The following PTPRM variants were observed in gnomAD, a reference collection of about 807,000 sequenced individuals.
PTPRM encodes receptor-type tyrosine-protein phosphatase mu.
Under a neutral mutation model 186.7 loss-of-function variants are expected in PTPRM, and 47 were observed. That is an observed-to-expected ratio of 0.25 (90% CI 0.20 to 0.32). PTPRM has a LOEUF of 0.32. Among genes scored for constraint, PTPRM ranks in the 10% least tolerant of loss-of-function variants. The pLI is 1.00. For synonymous variants in PTPRM, 668 were observed against 674.9 expected (o/e 0.99, Z 0.16); for missense variants, 1,494 against 1,865.0 (o/e 0.80, Z 3.66).
chr18:7,862,936 G>A (rs1282572610), intron 2 of PTPRM, among the ~76,000 whole-genome samples: 2 of 152,086 alleles, frequency 1.3e-5, no homozygotes, highest in African/African-American at 4.8e-5. Flanking sequence ...GAGAAAAAAT[G>A]AAATACGGAC....
At chr18:7,623,912 A>G (rs1244219688) in intron 1 of PTPRM, among the ~76,000 whole-genome samples, 1 of 152,152 alleles carries the variant, frequency 6.6e-6, no homozygotes, top group Non-Finnish European at 1.5e-5. Flanking sequence ...TTCTTGCTGC[A>G]CTGTTCTGCC....
chr18:7,613,683 A>G (rs568158814), intron 1 of PTPRM, among the ~76,000 whole-genome samples: 18 of 152,256 alleles, frequency 1.2e-4, no homozygotes, highest in African/African-American at 4.1e-4. Flanking sequence ...AAAAAAAAAA[A>G]AAATACCCTG....
chr18:7,703,285 A>G (rs2040004598), intron 1 of PTPRM, among the ~76,000 whole-genome samples: 1 of 152,016 alleles, frequency 6.6e-6, no homozygotes, highest in Admixed American at 6.5e-5. Context: ...CATGATATTG[A>G]TTCTTCCCAT....
intron 7 of PTPRM, among the ~76,000 whole-genome samples, chr18:7,978,869 G>T (rs376147248): frequency 2.7e-5 from 4 of 149,738 alleles, no homozygotes; most frequent in East Asian, 3.9e-4. Context: ...ATTTTTTTTT[G>T]AAAACTCAGA....
chr18:7,853,471 A>G (rs905383625), intron 2 of PTPRM, among the ~76,000 whole-genome samples: 5 of 152,250 alleles, frequency 3.3e-5, no homozygotes, highest in East Asian at 1.9e-4. Context: ...GTCTTACCCC[A>G]GAGTACAGTG....
intron 1 of PTPRM, among the ~76,000 whole-genome samples, chr18:7,657,183 T>C (rs534539120): frequency 8.5e-5 from 13 of 152,290 alleles, no homozygotes; most frequent in Admixed American, 4.6e-4. Flanking sequence ...TTTTGCCAAA[T>C]TGTTGGCAGG....
chr18:7,788,681 G>T (rs2043201251), intron 2 of PTPRM, among the ~76,000 whole-genome samples: 1 of 152,184 alleles, frequency 6.6e-6, no homozygotes, highest in Non-Finnish European at 1.5e-5. Context: ...CATGTGCATG[G>T]ATAGCAAATC....
chr18:7,910,517 G>C (rs555181517), intron 4 of PTPRM, among the ~76,000 whole-genome samples: 1 of 152,266 alleles, frequency 6.6e-6, no homozygotes, highest in African/African-American at 2.4e-5. Flanking sequence ...TTGGTTACTT[G>C]GTGTACACCC....
In PTPRM at chr18:8,095,256, G is replaced by C. The variant is rs143388733; in HGVS notation, c.1856+6405G>C. ...CAGGGAAGAGTCAGCTAAGACTTCA[G>C]AGAGGAGGTAACCCTGGGGCCAAGT... is the stretch of plus-strand genomic sequence containing the variant. On this transcript the variant is annotated intron_variant, in intron 11 of 32. Transcript: ENST00000580170. 1.8e-4 allele frequency among the ~76,000 whole-genome samples: 27 copies of C among 152,282 alleles called. No homozygotes were observed. The East Asian group carries it at 5.2e-3, about 29-fold the overall frequency.
At chr18:8,192,601 T>TA (rs1023044102) in intron 14 of PTPRM, among the ~76,000 whole-genome samples, 2 of 152,046 alleles carry the variant, frequency 1.3e-5, no homozygotes, top group African/African-American at 2.4e-5. Context: ...ATGGTAAACT[T>TA]AAAAAAATCA....
chr18:7,974,649 C>T (rs2147351649), intron 7 of PTPRM, among the ~76,000 whole-genome samples: 1 of 152,290 alleles, frequency 6.6e-6, no homozygotes, highest in East Asian at 1.9e-4. Flanking sequence ...TTCCAAATCT[C>T]TGATCTATTG....
rs766086285 is a variant in PTPRM at position 7,567,884 on chromosome 18, G to A, written c.66G>A (p.Thr22=). The A allele has an allele frequency of 6.4e-7, 1 of 1,558,566 alleles. No homozygotes were observed. Among genetic ancestry groups the A allele is most frequent in the Admixed American group, 1.9e-5 (1 of 51,410 alleles). ...AGLLLTAAGE[T]FSGGCLFDEP... is the part of the protein sequence containing the mutation. ...TTTTGCTAACTGCGGCGGGCGAGAC[G>A]TTCTCAGGTAAGCGGGACCGCCTCT... The change falls in exon 1 of 33, where the codon ACG becomes ACA. Residue 22 remains threonine, a synonymous_variant. Coordinates refer to ENST00000580170, the MANE Select transcript of PTPRM (RefSeq NM_001105244.2). This position sits in a 1 kb window ranked among gnomAD's most constrained non-coding sequence, Gnocchi z 4.3.
At chr18:7,985,376 T>G (rs529576967) in intron 7 of PTPRM, among the ~76,000 whole-genome samples, 1 of 118,022 alleles carries the variant, frequency 8.5e-6, no homozygotes, top group East Asian at 2.2e-4. Flanking sequence ...TATATACGTA[T>G]ATAAATATAT....
At chr18:8,162,227 G>A (rs2093244809) in intron 14 of PTPRM, among the ~76,000 whole-genome samples, 1 of 151,746 alleles carries the variant, frequency 6.6e-6, no homozygotes, top group Non-Finnish European at 1.5e-5. Context: ...AGCCTCCTGA[G>A]TATCTAGGAT....
At chr18:8,152,204 A>G (rs1487351024) in intron 14 of PTPRM, among the ~76,000 whole-genome samples, 4 of 152,220 alleles carry the variant, frequency 2.6e-5, no homozygotes, top group Non-Finnish European at 5.9e-5. Context: ...ACTGTGGACT[A>G]GAAATAATAA....
At chr18:7,915,063 A>G (rs1196114023) in intron 4 of PTPRM, among the ~76,000 whole-genome samples, 1 of 152,172 alleles carries the variant, frequency 6.6e-6, no homozygotes, top group Non-Finnish European at 1.5e-5. Flanking sequence ...TGAAGAATCA[A>G]TAATAATGAA....
intron 1 of PTPRM, among the ~76,000 whole-genome samples, chr18:7,711,478 A>G (rs143883794): frequency 0.014 from 2,065 of 152,158 alleles, 54 homozygotes; most frequent in African/African-American, 0.048. Context: ...TGCCAGAGAG[A>G]CAGAACCATT....
At chr18:7,635,904 TCCACTACATTTGA>T (rs1386679155) in intron 1 of PTPRM, among the ~76,000 whole-genome samples, 1 of 152,178 alleles carries the variant, frequency 6.6e-6, no homozygotes, top group Non-Finnish European at 1.5e-5. Flanking sequence ...AATGCCCACT[TCCACTACATTTGA>T]TAGAGTTACC....
chr18:8,106,531 G>C (rs138589178), intron 11 of PTPRM, among the ~76,000 whole-genome samples: 101 of 152,286 alleles, frequency 6.6e-4, no homozygotes, highest in African/African-American at 2.2e-3. Context: ...ACCCTTATCA[G>C]ATCCTTGGCA....
Sources: gnomAD v4.1 joint callset for allele counts (sites outside exome capture counted in the v4.1 genomes callset) on GRCh38, gnomAD v4.1.1 for gene constraint, Gnocchi (gnomAD v3.1) non-coding constraint, MANE v1.5 for transcripts, NCBI Gene and HGNC (gene_info 2026-07-23, HGNC 2026-07-21) for gene names.